CDH19: variants seen among roughly 807,000 people sequenced by gnomAD.
CDH19 encodes the protein cadherin 19.
Under a neutral mutation model 64.2 loss-of-function variants are expected in CDH19, and 67 were observed. The observed-to-expected ratio is 1.04, with a 90% CI of 0.86 to 1.28. CDH19 has a LOEUF of 1.28. Ranked by LOEUF, CDH19 falls within the 50% of genes most tolerant of loss-of-function variation. The pLI is 0.00. For synonymous variants in CDH19, 346 were observed against 319.3 expected (o/e 1.08, Z -0.89); for missense variants, 1,030 against 929.0 (o/e 1.11, Z -1.41).
intron 1 of CDH19, among the ~76,000 whole-genome samples, chr18:66,573,629 G>T (rs972553721): frequency 3.2e-4 from 29 of 90,020 alleles, no homozygotes; most frequent in African/African-American, 9.5e-4. Flanking sequence ...TCATGAAAAA[G>T]ATTTTTTTTA....
At chr18:66,555,815 A>G (rs1987496695) in intron 3 of CDH19, among the ~76,000 whole-genome samples, 1 of 151,696 alleles carries the variant, frequency 6.6e-6, no homozygotes, top group Admixed American at 6.6e-5. Context: ...CTATCCTTCT[A>G]TGCACCGATC....
intron 5 of CDH19, among the ~76,000 whole-genome samples, chr18:66,549,919 G>C (rs1987278410): frequency 6.6e-6 from 1 of 152,060 alleles, no homozygotes; most frequent in Non-Finnish European, 1.5e-5. Flanking sequence ...AAGGAAGTCA[G>C]TGAAAGTAGC....
At chr18:66,554,127 A>G (rs1987432379) in intron 4 of CDH19, among the ~76,000 whole-genome samples, 1 of 152,004 alleles carries the variant, frequency 6.6e-6, no homozygotes, top group Non-Finnish European at 1.5e-5. Flanking sequence ...TATATTTTTA[A>G]ATTGGGTTGC....
Position 66,544,122 on chromosome 18 carries a change from T to C in CDH19, c.1063A>G (p.Thr355Ala). The change falls in exon 7 of 12, where the codon ACT becomes GCT. Residue 355 changes from threonine (T) to alanine (A), a missense_variant. Physicochemically the swap from Thr to Ala is moderately conservative, Grantham distance 58 (BLOSUM62 0). Coordinates refer to ENST00000262150, the MANE Select transcript of CDH19 (RefSeq NM_021153.4). ...TCTTCCACCTGGATCTTAATGAAAG[T>C]GGTGGAAGCCTCAGTGTGGTACTTC... ...LMKYHTEAST[T>A]FIKIQVEDVD... The C allele has an allele frequency of 6.2e-7, 1 of 1,613,924 alleles. No homozygotes were observed. The highest frequency in any genetic ancestry group is 8.5e-7 in the Non-Finnish European group (1 of 1,179,904).
intron 10 of CDH19, 43 bp from the exon 11 acceptor site, chr18:66,509,289 G>C: frequency 6.4e-7 from 1 of 1,572,986 alleles, no homozygotes; most frequent in Non-Finnish European, 8.7e-7. Flanking sequence ...AACTACGTAA[G>C]AGAAATTTGT....
intron 2 of CDH19, among the ~76,000 whole-genome samples, chr18:66,571,206 G>A (rs1767302342): frequency 6.6e-6 from 1 of 151,506 alleles, no homozygotes; most frequent in Admixed American, 6.6e-5. Context: ...ACATTTGGCT[G>A]ATAACACAGG....
chr18:66,547,571 G>A (rs1029991295), intron 5 of CDH19, among the ~76,000 whole-genome samples: 4 of 151,398 alleles, frequency 2.6e-5, no homozygotes, highest in Non-Finnish European at 5.9e-5. Context: ...AAACCTGGAT[G>A]TGTGGGTACA....
chr18:66,544,634 G>T, intron 6 of CDH19, 85 bp downstream of exon 6: 2 of 831,462 alleles, frequency 2.4e-6, no homozygotes, highest in Non-Finnish European at 3.6e-6. Context: ...ATTATTTAAT[G>T]AGTTAAAAAC....
intron 9 of CDH19, among the ~76,000 whole-genome samples, chr18:66,520,191 A>AAAAC (rs756584577): frequency 7.2e-5 from 11 of 152,050 alleles, no homozygotes; most frequent in African/African-American, 2.7e-4. Context: ...TCTCAAACAA[A>AAAAC]AAACAAACAA....
intron 1 of CDH19, among the ~76,000 whole-genome samples, chr18:66,600,783 T>C (rs967869777): frequency 2.0e-5 from 3 of 151,838 alleles, no homozygotes; most frequent in African/African-American, 4.8e-5. Flanking sequence ...TATTAACCAA[T>C]AAATTTGGAG....
chr18:66,506,485 G>GA (rs1356148035), intron 11 of CDH19, among the ~76,000 whole-genome samples: 1 of 151,888 alleles, frequency 6.6e-6, no homozygotes, highest in Non-Finnish European at 1.5e-5. Context: ...GACAAAAGTA[G>GA]AAAGTTGGTT....
intron 7 of CDH19, among the ~76,000 whole-genome samples, chr18:66,536,670 T>A (rs1404225193): frequency 2.6e-5 from 4 of 151,688 alleles, no homozygotes. Flanking sequence ...ATGTAGCCCC[T>A]CTAGGATGTG....
chr18:66,593,477 G>A (rs1988799732), intron 1 of CDH19, among the ~76,000 whole-genome samples: 1 of 151,916 alleles, frequency 6.6e-6, no homozygotes, highest in Non-Finnish European at 1.5e-5. Context: ...TAAAGATGTT[G>A]GATAGGATTA....
At chr18:66,599,235 T>A (rs999598851) in intron 1 of CDH19, among the ~76,000 whole-genome samples, 4 of 152,044 alleles carry the variant, frequency 2.6e-5, no homozygotes, top group Non-Finnish European at 4.4e-5. Flanking sequence ...TTATTGCATA[T>A]TTTGGGGATT....
chr18:66,550,983 T>C, intron 5 of CDH19, 111 bp downstream of exon 5: 1 of 531,944 alleles, frequency 1.9e-6, no homozygotes, highest in Non-Finnish European at 3.2e-6. Context: ...ATTTATTTTA[T>C]ATAATTTTAG....
chr18:66,537,757 A>G (rs1024620609), intron 7 of CDH19, among the ~76,000 whole-genome samples: 3 of 152,074 alleles, frequency 2.0e-5, no homozygotes, highest in Non-Finnish European at 4.4e-5. Context: ...GGAGAGTAGT[A>G]TTAGAAAGCA....
At chr18:66,563,807 A>G (rs1042650490) in intron 3 of CDH19, among the ~76,000 whole-genome samples, 2 of 151,886 alleles carry the variant, frequency 1.3e-5, no homozygotes, top group African/African-American at 4.8e-5. Context: ...GTGTTCTTCA[A>G]ATTTTTTATT....
At chr18:66,574,889 T>C (rs1476737961) in intron 1 of CDH19, among the ~76,000 whole-genome samples, 1 of 151,768 alleles carries the variant, frequency 6.6e-6, no homozygotes, top group Admixed American at 6.6e-5. Flanking sequence ...TTTAAAGTAT[T>C]GAAAATGAAA....
rs1435523594 is a variant in CDH19 at position 66,508,872 on chromosome 18, A to G, written c.1828+123T>C. 1.8e-5 allele frequency: 19 copies of G among 1,039,226 alleles called. No homozygotes were observed. In the South Asian group the frequency reaches 1.9e-4, roughly 10 times the overall value. 64.4% of individuals were successfully genotyped at this position (1,039,226 alleles called of 1,614,324 possible). A position where few individuals can be genotyped will look rare whatever the true frequency, so the allele number is the denominator to read the frequency against. ...ACACACAGACCCACATTATAATGCT[A>G]TAATAGAATTAACTATGTATTTATC... is the stretch of plus-strand genomic sequence containing the variant. On this transcript the variant is annotated intron_variant, in intron 11 of 11. Coordinates refer to ENST00000262150, the MANE Select transcript of CDH19 (RefSeq NM_021153.4).
Sources: gnomAD v4.1 joint callset for allele counts (sites outside exome capture counted in the v4.1 genomes callset) on GRCh38, gnomAD v4.1.1 for gene constraint, MANE v1.5 for transcripts, NCBI Gene and HGNC (gene_info 2026-07-23, HGNC 2026-07-21) for gene names.